The following CRTC2 variants were observed in gnomAD, a reference collection of about 807,000 sequenced individuals.
The protein encoded by CRTC2 is CREB regulated transcription coactivator 2, also known as CREB-regulated transcription coactivator 2.
Under a neutral mutation model 70.9 loss-of-function variants are expected in CRTC2, and 25 were observed. The observed-to-expected ratio is 0.35, with a 90% confidence interval of 0.26 to 0.49. The LOEUF is 0.49. CRTC2 is among the 20% of genes least tolerant of loss of function. The pLI is 0.98. For missense variants in CRTC2, 737 were observed against 882.6 expected (o/e 0.83, Z 2.09); for synonymous variants, 330 against 364.1 (o/e 0.91, Z 1.07).
At position 153,955,521 on chromosome 1, in the gene CRTC2, T is replaced by C. The variant is rs927361177; in HGVS notation, c.154-355A>G. 6.4e-5 allele frequency among the ~76,000 whole-genome samples: 9 copies of C among 141,520 alleles called. No individual in the cohort carries two copies. The East Asian group carries it at 1.9e-3, about 29-fold the overall frequency. The allele number at this position is 141,520 out of a possible 152,430, so 92.8% of individuals were successfully genotyped here. A position where few individuals can be genotyped will look rare whatever the true frequency, so the allele number is the denominator to read the frequency against. ...GGTGGAGGTTGCAGTAAGCCGAGAC[T>C]GTGCCACTGCACTGCAGCCTGGGCA... On this transcript the variant is annotated intron_variant, in intron 1 of 13. Coordinates refer to ENST00000368633, the MANE Select transcript of CRTC2 (RefSeq NM_181715.3).
In CRTC2 at chr1:153,947,678, G is replaced by C. The variant is rs1680084296; in HGVS notation, c.*431C>G. 1.3e-5 allele frequency: 2 copies of C among 153,066 alleles called. No homozygotes were observed. The highest frequency in any genetic ancestry group is 1.5e-5 in the Non-Finnish European group (1 of 68,726). 9.5% of individuals were successfully genotyped at this position (153,066 alleles called of 1,614,324 possible). A position where few individuals can be genotyped will look rare whatever the true frequency, so the allele number is the denominator to read the frequency against. ...AAATAACTAACCACACCAAGGGTTT[G>C]ATATGATTTTTTTATTAACATATAA... On this transcript the variant is annotated 3_prime_UTR_variant, in exon 14 of 14. Transcript: ENST00000368633.
chr1:153,951,115 A>C, intron 11 of CRTC2, 145 bp downstream of exon 11: 2 of 925,772 alleles, frequency 2.2e-6, no homozygotes, highest in South Asian at 1.7e-5. Context: ...GACAAGATGG[A>C]TAAAAGATGG....
intron 1 of CRTC2, among the ~76,000 whole-genome samples, chr1:153,957,593 C>T (rs1449283430): frequency 6.6e-6 from 1 of 152,056 alleles, no homozygotes. Context: ...ACATAGAAGA[C>T]CCTCCAAGGC....
At chr1:153,955,015 G>C (rs1346171266) in intron 2 of CRTC2, 26 bp from the exon 3 acceptor site, 3 of 1,613,176 alleles carry the variant, frequency 1.9e-6, no homozygotes, top group Non-Finnish European at 2.5e-6. Context: ...GAAGTCAGCA[G>C]AGGAAGCAGC....
At position 153,958,348 on chromosome 1, in the gene CRTC2, G is replaced by A. The variant is rs1483652972; in HGVS notation, c.150C>T (p.Thr50=). 7.4e-6 allele frequency: 12 copies of A among 1,611,672 alleles called. No individual in the cohort carries two copies. Among genetic ancestry groups the A allele is most frequent in the East Asian group, 2.2e-5 (1 of 44,830 alleles). ...FEEVMMDIGS[T]RLQAQKLRLA... ...GCTCCCCGGCGCGGCCCCTCACCCGGGTGGAGCCGATGTCCATCATCACCT... is the reference window on the plus strand; with the variant it reads ...GCTCCCCGGCGCGGCCCCTCACCCGAGTGGAGCCGATGTCCATCATCACCT... Residue 50 remains threonine (T), a synonymous_variant, in exon 1 of 14, where the codon ACC becomes ACT. Transcript: ENST00000368633.
chr1:153,949,220 C>T lies in CRTC2; in HGVS notation c.1569G>A (p.Gln523=). ...CATAATGAGACTGCCTGCCTGGGGG[C>T]TGCCCACCTGAGGACTGCACTGAAC... The part of the protein sequence containing the change: ...QSCSVQSSGG[Q]PPGRQSHYGT... The change falls in exon 12 of 14, where the codon CAG becomes CAA. Residue 523 remains glutamine (Q), a synonymous_variant. Transcript: ENST00000368633. The T allele has an allele frequency of 6.2e-7, 1 of 1,614,122 alleles. No homozygotes were observed. Among genetic ancestry groups the T allele is most frequent in the Non-Finnish European group, 8.5e-7 (1 of 1,180,014 alleles).
At chr1:153,951,166 A>G (rs1680293468) in intron 11 of CRTC2, 94 bp downstream of exon 11, 1 of 1,277,832 alleles carries the variant, frequency 7.8e-7, no homozygotes, top group Non-Finnish European at 1.1e-6. Context: ...ATGAGTATAG[A>G]GTAGGTATTT....
Position 153,949,323 on chromosome 1 carries a change from C to T in CRTC2, c.1466G>A (p.Ser489Asn), listed in dbSNP as rs766431495. Residue 489 changes from serine (S) to asparagine (N), a missense_variant, in exon 12 of 14, where the codon AGC becomes AAC. Ser to Asn is a conservative substitution (Grantham distance 46, BLOSUM62 1). This residue lies in a region of CRTC2 where 699 missense variants were observed against 823.7 expected (regional missense o/e 0.85). Coordinates refer to ENST00000368633, the MANE Select transcript of CRTC2 (RefSeq NM_181715.3). Reference sequence around the variant, plus strand: ...GGTAGGCAGAACCAGACTTGGGGAGCTGTATGGGTATGGGGGTAACCGCTG... The same window carrying T: ...GGTAGGCAGAACCAGACTTGGGGAGTTGTATGGGTATGGGGGTAACCGCTG... ...TDQRLPPYPY[S>N]SPSLVLPTQP... The T allele has an allele frequency of 1.9e-6, 3 of 1,613,956 alleles. No individual in the cohort carries two copies. Among genetic ancestry groups the T allele is most frequent in the Admixed American group, 3.3e-5 (2 of 60,016 alleles).
At chr1:153,956,215 T>C (rs1680606357) in intron 1 of CRTC2, among the ~76,000 whole-genome samples, 1 of 152,206 alleles carries the variant, frequency 6.6e-6, no homozygotes, top group African/African-American at 2.4e-5. Flanking sequence ...ATTCTTCCAC[T>C]GAATCCTAAG....
At chr1:153,950,444 A>G (rs1273525754) in intron 11 of CRTC2, among the ~76,000 whole-genome samples, 2 of 152,232 alleles carry the variant, frequency 1.3e-5, no homozygotes, top group South Asian at 4.1e-4. Context: ...GACCTGAGTA[A>G]AGATGGAACA....
Position 153,955,089 on chromosome 1 carries a change from A to C in CRTC2, c.231T>G (p.Ile77Met). Reference protein sequence around the residue: ...YGGSLPNVNQIGSGLAEFQSP... With the variant: ...YGGSLPNVNQMGSGLAEFQSP... The stretch of plus-strand genomic sequence containing the variant: ...CCTGGAACTCGGCCAGGCCAGAGCC[A>C]ATCTGGTTAACATTGGGCAGAGACC... The change falls in exon 2 of 14, where the codon ATT becomes ATG. Residue 77 changes from isoleucine to methionine, a missense_variant. Ile to Met is a conservative substitution (Grantham distance 10). Around this residue, in one of 3 missense-constraint regions of CRTC2, gnomAD observed 699 missense variants for 823.7 expected, o/e 0.85. Transcript: ENST00000368633. The C allele has an allele frequency of 6.2e-7, 1 of 1,614,122 alleles. No individual in the cohort carries two copies. The highest frequency in any genetic ancestry group is 1.6e-4 in the Middle Eastern group (1 of 6,062).
intron 1 of CRTC2, chr1:153,958,017 C>T (rs1680724855): frequency 9.1e-6 from 11 of 1,207,720 alleles, no homozygotes; most frequent in Non-Finnish European, 1.1e-5. Context: ...GCTTCAGTAG[C>T]GTCCTCGAGG....
At chr1:153,957,508 CA>C (rs1406652739) in intron 1 of CRTC2, among the ~76,000 whole-genome samples, 1 of 152,122 alleles carries the variant, frequency 6.6e-6, no homozygotes, top group Non-Finnish European at 1.5e-5. Flanking sequence ...GAAACCAAGC[CA>C]GGGGGGCTTC....
intron 12 of CRTC2, 71 bp downstream of exon 12, chr1:153,949,044 A>G (rs930107846): frequency 1.3e-5 from 20 of 1,492,838 alleles, no homozygotes; most frequent in East Asian, 2.3e-5. Context: ...TGCACCAGCC[A>G]TGCCATTCAG....
chr1:153,954,753 G>A, intron 3 of CRTC2, 120 bp downstream of exon 3: 7 of 874,942 alleles, frequency 8.0e-6, no homozygotes. Flanking sequence ...AGGGAAGCTG[G>A]GTAAAGAAGA....
In CRTC2 at chr1:153,948,626, C is replaced by A; in HGVS notation, c.1693G>T (p.Glu565Ter). Residue 565 changes from glutamate to a stop codon, truncating the protein, a stop_gained, in exon 13 of 14, where the codon GAG becomes TAG. Coordinates refer to ENST00000368633, the MANE Select transcript of CRTC2 (RefSeq NM_181715.3). LOFTEE classifies it high-confidence loss of function. ...AGCACCAGGCTGGCTGATGGGCTCT[C>A]CATGCTGAACTGCTCCAGCTATAGA... ...NLGNLEQFSM[E>*]SPSASLVLDP... 6.3e-7 allele frequency: 1 copy of A among 1,585,386 alleles called. No homozygotes were observed. The highest frequency in any genetic ancestry group is 8.6e-7 in the Non-Finnish European group (1 of 1,168,402).
intron 4 of CRTC2, among the ~76,000 whole-genome samples, 175 bp downstream of exon 4, chr1:153,954,080 C>A (rs941050943): frequency 9.9e-5 from 15 of 152,162 alleles, no homozygotes; most frequent in African/African-American, 3.1e-4. Context: ...ATGGCCAAGG[C>A]TGGACTCTGA....
intron 4 of CRTC2, 24 bp from the exon 5 acceptor site, chr1:153,953,630 G>A (rs762240193): frequency 7.0e-6 from 11 of 1,573,878 alleles, no homozygotes; most frequent in Non-Finnish European, 8.7e-7. Flanking sequence ...ACAAAGTCAT[G>A]AGGAGGAAGG....
chr1:153,947,847 A>G lies in CRTC2; in HGVS notation c.*262T>C. The stretch of plus-strand genomic sequence containing the variant: ...GGGCTCCCCTCTACCCCTGCTTTCC[A>G]ACAGGCTCTGACCTCCAGACAGACG... On this transcript the variant is annotated 3_prime_UTR_variant, in exon 14 of 14. Coordinates refer to ENST00000368633, the MANE Select transcript of CRTC2 (RefSeq NM_181715.3). 5.7e-6 allele frequency: 3 copies of G among 524,434 alleles called. No homozygotes were observed. The highest frequency in any genetic ancestry group is 1.0e-5 in the Non-Finnish European group (3 of 290,164). 32.5% of individuals were successfully genotyped at this position (524,434 alleles called of 1,614,324 possible). A position where few individuals can be genotyped will look rare whatever the true frequency, so the allele number is the denominator to read the frequency against.
Sources: gnomAD v4.1 joint callset for allele counts (sites outside exome capture counted in the v4.1 genomes callset) on GRCh38, gnomAD v4.1.1 for gene constraint, gnomAD v4.1.1 regional missense constraint, MANE v1.5 for transcripts, NCBI Gene and HGNC (gene_info 2026-07-23, HGNC 2026-07-21) for gene names.